SLC43A1: variants seen among roughly 807,000 people sequenced by gnomAD.
SLC43A1 encodes large neutral amino acids transporter small subunit 3.
Under a neutral mutation model 59.5 loss-of-function variants are expected in SLC43A1, and 31 were observed. The ratio of observed to expected loss-of-function variants is 0.52; its 90% CI spans 0.39 to 0.70. The LOEUF (loss-of-function observed/expected upper bound fraction) is 0.70, where lower values mean the gene tolerates loss of function less well. Ranked by LOEUF, SLC43A1 falls within the 30% of genes least tolerant of loss-of-function variation. The probability of loss-of-function intolerance (pLI) is 0.00; values close to 1 mark genes in which losing one functional copy is unlikely to be tolerated. For synonymous variants in SLC43A1, 259 were observed against 290.9 expected (o/e 0.89, Z 1.12); for missense variants, 598 against 717.8 (o/e 0.83, Z 1.91).
At chr11:57,507,564 A>G (rs1944420697) in intron 2 of SLC43A1, among the ~76,000 whole-genome samples, 1 of 152,216 alleles carries the variant, frequency 6.6e-6, no homozygotes, top group African/African-American at 2.4e-5. Context: ...GATCACTTGT[A>G]TCCAGGAGGC....
intron 2 of SLC43A1, among the ~76,000 whole-genome samples, chr11:57,503,837 G>T (rs1336499226): frequency 6.6e-6 from 1 of 152,132 alleles, no homozygotes; most frequent in Non-Finnish European, 1.5e-5. Flanking sequence ...AATTATAATT[G>T]GGTGCCAGTT....
At chr11:57,494,217 C>G (rs1227082223) in intron 7 of SLC43A1, 46 bp from the exon 8 acceptor site, 6 of 1,576,934 alleles carry the variant, frequency 3.8e-6, no homozygotes, top group Non-Finnish European at 4.3e-6. Context: ...TCACACAGAG[C>G]CCACCTTCAA....
chr11:57,496,446 A>T (rs1410334388), intron 6 of SLC43A1, among the ~76,000 whole-genome samples: 1 of 152,162 alleles, frequency 6.6e-6, no homozygotes. Context: ...AATTTCCATT[A>T]TCTTAAAAAA....
intron 12 of SLC43A1, 49 bp from the exon 13 acceptor site, chr11:57,489,038 T>C (rs568693252): frequency 6.3e-7 from 1 of 1,580,570 alleles, no homozygotes; most frequent in South Asian, 1.1e-5. Context: ...GTGTGGAGGC[T>C]GGAGGAAGGA....
chr11:57,489,156 C>T (rs1943827609), intron 12 of SLC43A1, 95 bp downstream of exon 12: 1 of 1,507,942 alleles, frequency 6.6e-7, no homozygotes, highest in East Asian at 2.3e-5. Context: ...GATCAGAAGA[C>T]CAGAACTGCG....
intron 7 of SLC43A1, among the ~76,000 whole-genome samples, chr11:57,495,493 G>A (rs1163548469): frequency 6.6e-6 from 1 of 151,906 alleles, no homozygotes; most frequent in Non-Finnish European, 1.5e-5. Flanking sequence ...TATTTACCAT[G>A]TTTTGACCAC....
At chr11:57,504,129 G>A (rs1259146984) in intron 2 of SLC43A1, among the ~76,000 whole-genome samples, 1 of 152,078 alleles carries the variant, frequency 6.6e-6, no homozygotes, top group East Asian at 1.9e-4. Context: ...CCCGGGAGGC[G>A]GAGCTTGCAG....
chr11:57,510,646 A>T (rs189654491), intron 2 of SLC43A1, among the ~76,000 whole-genome samples: 4 of 151,432 alleles, frequency 2.6e-5, no homozygotes, highest in African/African-American at 7.3e-5. Flanking sequence ...TAGTCTTAAA[A>T]ATATATATAT....
chr11:57,498,631 C>T (rs2135183532), intron 5 of SLC43A1, among the ~76,000 whole-genome samples: 1 of 152,178 alleles, frequency 6.6e-6, no homozygotes, highest in South Asian at 2.1e-4. Context: ...CGGTAATAGG[C>T]AGTGCCTCTT....
At chr11:57,489,470 T>C in intron 11 of SLC43A1, 78 bp from the exon 12 acceptor site, 2 of 1,533,944 alleles carry the variant, frequency 1.3e-6, no homozygotes, top group African/African-American at 1.4e-5. Context: ...CCCCTCCCCC[T>C]TCAGATGTGC....
chr11:57,499,326 C>CAA (rs5792045), intron 5 of SLC43A1, among the ~76,000 whole-genome samples: 84,929 of 141,544 alleles, frequency 0.6, 26,719 homozygotes, highest in East Asian at 0.83. Flanking sequence ...TCCGTCTCAA[C>CAA]AAAAAAAAAA....
In SLC43A1 at chr11:57,501,022, G is replaced by A; in HGVS notation, c.354C>T (p.Cys118=). The change falls in exon 4 of 15, where the codon TGC becomes TGT. Residue 118 remains cysteine (C), a synonymous_variant. Transcript: ENST00000278426. ...CCCGGGAGGCCAGGGCCATGAGGGT[G>A]CAGGACGCAGTGAAGCAGGCACTGT... The part of the protein sequence containing the change: ...LVGSACFTAS[C]TLMALASRDV... The A allele has an allele frequency of 3.1e-6, 5 of 1,602,120 alleles. No homozygotes were observed. Among genetic ancestry groups the A allele is most frequent in the Non-Finnish European group, 4.3e-6 (5 of 1,174,184 alleles).
At chr11:57,506,106 G>C (rs1944389076) in intron 2 of SLC43A1, among the ~76,000 whole-genome samples, 1 of 152,192 alleles carries the variant, frequency 6.6e-6, no homozygotes, top group African/African-American at 2.4e-5. Context: ...GGCACTTTGG[G>C]AGGCCAAGAC....
At position 57,491,790 on chromosome 11, in the gene SLC43A1, TG is replaced by T; in HGVS notation, c.943del (p.Gln315SerfsTer11). 1.2e-6 allele frequency: 2 copies of T among 1,614,124 alleles called. No individual in the cohort carries two copies. The highest frequency in any genetic ancestry group is 1.7e-6 in the Non-Finnish European group (2 of 1,179,978). On this transcript the variant is annotated frameshift_variant, in exon 9 of 15. Coordinates refer to ENST00000278426, the MANE Select transcript of SLC43A1 (RefSeq NM_003627.6). LOFTEE classifies it high-confidence loss of function. ...LWSLLTMGMT[Q>X]LRIIFYMAAV... ...AGCCATGTAGAAGATGATCCGCAGC[TG>T]GGTCATGCCCATGGTGAGGAGGCTC...
At chr11:57,513,339 C>G (rs147162871) in intron 2 of SLC43A1, among the ~76,000 whole-genome samples, 197 of 152,348 alleles carry the variant, frequency 1.3e-3, no homozygotes, top group Non-Finnish European at 2.3e-3. Flanking sequence ...AAGTCCTAGA[C>G]ACCAGCAGTG....
At chr11:57,497,684 A>G in intron 6 of SLC43A1, 69 bp downstream of exon 6, 1 of 1,204,134 alleles carries the variant, frequency 8.3e-7, no homozygotes, top group Non-Finnish European at 1.2e-6. Context: ...GGTCAGCACT[A>G]GCTGCTGCTC....
chr11:57,509,235 A>G (rs1316632784), intron 2 of SLC43A1, among the ~76,000 whole-genome samples: 2 of 152,142 alleles, frequency 1.3e-5, no homozygotes, highest in African/African-American at 2.4e-5. Context: ...CTCACACTAT[A>G]TACAAAATCA....
rs1239801176 is a variant in SLC43A1 at position 57,493,990 on chromosome 11, C to T, written c.871+3G>A. The T allele has an allele frequency of 1.3e-6, 2 of 1,581,554 alleles. No individual in the cohort carries two copies. The highest frequency in any genetic ancestry group is 2.3e-5 in the South Asian group (2 of 86,888). ...AAGGCCGGCACCTTGACCAGACACT[C>T]ACTCTCAGGAAGGTTTTCTGAGGTG... On this transcript the variant is annotated splice_donor_region_variant and intron_variant, in intron 8 of 14. Coordinates refer to ENST00000278426, the MANE Select transcript of SLC43A1 (RefSeq NM_003627.6).
Position 57,496,067 on chromosome 11 carries a change from A to T in SLC43A1, c.656T>A (p.Ile219Asn), listed in dbSNP as rs747439736. ...IFLNCTLNWP[I>N]EAFPAPEEVN... ...TTCCTCAGGGGCAGGAAAGGCTTCG[A>T]TGGGCCAGTTGAGGGTGCAGTTCAG... Residue 219 changes from isoleucine to asparagine, a missense_variant, in exon 7 of 15, where the codon ATC becomes AAC. Physicochemically the swap from Ile to Asn is moderately radical, Grantham distance 149. Coordinates refer to ENST00000278426, the MANE Select transcript of SLC43A1 (RefSeq NM_003627.6). 6.2e-6 allele frequency: 10 copies of T among 1,614,022 alleles called. No homozygotes were observed. In the Admixed American group the frequency reaches 1.7e-4, roughly 27 times the overall value.
Sources: allele counts gnomAD v4.1 joint callset (sites outside exome capture counted in the v4.1 genomes callset), GRCh38; gene constraint gnomAD v4.1.1; transcripts MANE v1.5; gene names NCBI Gene and HGNC (gene_info 2026-07-23, HGNC 2026-07-21).